LRP1B: variants seen among roughly 807,000 people sequenced by gnomAD.
The protein encoded by LRP1B is LDL receptor related protein 1B, also known as low-density lipoprotein receptor-related protein 1B.
LRP1B carries 217 observed loss-of-function variants against 556.6 expected under a neutral mutation model. The observed-to-expected ratio is 0.39, with a 90% CI of 0.35 to 0.44. The LOEUF is 0.44. Among genes scored for constraint, LRP1B ranks in the 20% least tolerant of loss-of-function variants. The probability of loss-of-function intolerance (pLI) is 1.00; values close to 1 mark genes in which losing one functional copy is unlikely to be tolerated. For synonymous variants in LRP1B, 2,047 were observed against 1,865.8 expected (o/e 1.10, Z -2.50); for missense variants, 5,053 against 5,620.8 (o/e 0.90, Z 3.23).
At chr2:140,605,721 GT>G (rs910031282) in intron 41 of LRP1B, among the ~76,000 whole-genome samples, 11 of 143,738 alleles carry the variant, frequency 7.7e-5, no homozygotes, top group Admixed American at 6.3e-4. Flanking sequence ...ATTCGCCATA[GT>G]TTTTCTAGTA....
At chr2:141,915,059 A>G (rs373726345) in intron 1 of LRP1B, among the ~76,000 whole-genome samples, 1 of 152,208 alleles carries the variant, frequency 6.6e-6, no homozygotes, top group East Asian at 1.9e-4. Flanking sequence ...CCAAGCAAAA[A>G]GAACAAAATC....
At chr2:141,651,849 A>T (rs182002499) in intron 2 of LRP1B, among the ~76,000 whole-genome samples, 115 of 152,292 alleles carry the variant, frequency 7.6e-4, no homozygotes, top group African/African-American at 2.6e-3. Flanking sequence ...CGTAATGGAC[A>T]TCTCCTTGGA....
At chr2:141,434,462 T>C (rs895171291) in intron 3 of LRP1B, among the ~76,000 whole-genome samples, 1 of 118,582 alleles carries the variant, frequency 8.4e-6, no homozygotes, top group African/African-American at 2.7e-5. Context: ...CTCTTTCTTA[T>C]GTTTTTTTTA....
chr2:142,064,696 A>G (rs13382560), intron 1 of LRP1B, among the ~76,000 whole-genome samples: 4,714 of 151,648 alleles, frequency 0.031, 115 homozygotes, highest in African/African-American at 0.067. Context: ...AACATCTGCA[A>G]AAAAGCATAC....
At chr2:141,191,332 C>T (rs907992530) in intron 6 of LRP1B, among the ~76,000 whole-genome samples, 1 of 151,820 alleles carries the variant, frequency 6.6e-6, no homozygotes, top group African/African-American at 2.4e-5. Flanking sequence ...ATATTTTTTC[C>T]TCCCCTAAAA....
intron 1 of LRP1B, among the ~76,000 whole-genome samples, chr2:141,897,017 T>C (rs1699474868): frequency 6.6e-6 from 1 of 152,138 alleles, no homozygotes. Flanking sequence ...AGCTATATCA[T>C]TGCCTGATTT....
At chr2:141,827,336 G>C (rs1696969846) in intron 1 of LRP1B, among the ~76,000 whole-genome samples, 1 of 152,186 alleles carries the variant, frequency 6.6e-6, no homozygotes. Flanking sequence ...CAAAATGTTT[G>C]AATGTGAATT....
chr2:141,167,012 A>T (rs1222022184), intron 7 of LRP1B, among the ~76,000 whole-genome samples: 1 of 151,920 alleles, frequency 6.6e-6, no homozygotes, highest in African/African-American at 2.4e-5. Flanking sequence ...TACACACTGA[A>T]ATCTAGTTGA....
intron 27 of LRP1B, among the ~76,000 whole-genome samples, chr2:140,855,038 A>G (rs1410400552): frequency 6.6e-6 from 1 of 152,230 alleles, no homozygotes; most frequent in Non-Finnish European, 1.5e-5. Context: ...CTGATGAAAT[A>G]TAGAACCTTA....
chr2:141,777,502 G>A (rs1288224512), intron 2 of LRP1B, among the ~76,000 whole-genome samples: 8 of 151,978 alleles, frequency 5.3e-5, no homozygotes, highest in East Asian at 3.9e-4. Flanking sequence ...TGCAGCCTCC[G>A]CCTCCCGGGT....
At chr2:140,495,139 T>C (rs1330257572) in intron 56 of LRP1B, among the ~76,000 whole-genome samples, 1 of 152,166 alleles carries the variant, frequency 6.6e-6, no homozygotes, top group Admixed American at 6.5e-5. Flanking sequence ...TTATTATTAC[T>C]ATTGTTGCTT....
At chr2:141,084,919 G>A (rs1464483890) in intron 7 of LRP1B, among the ~76,000 whole-genome samples, 1 of 152,048 alleles carries the variant, frequency 6.6e-6, no homozygotes, top group Non-Finnish European at 1.5e-5. Flanking sequence ...AAAGTGCTGG[G>A]ATTACAGGCG....
At chr2:140,254,199 TAAAG>T (rs761174708) in intron 86 of LRP1B, among the ~76,000 whole-genome samples, 10 of 152,262 alleles carry the variant, frequency 6.6e-5, no homozygotes, top group African/African-American at 1.7e-4. Flanking sequence ...CACTTTAAAA[TAAAG>T]CAGTTTAATA....
chr2:141,990,269 G>A (rs1188023492), intron 1 of LRP1B, among the ~76,000 whole-genome samples: 2 of 151,930 alleles, frequency 1.3e-5, no homozygotes, highest in African/African-American at 4.8e-5. Flanking sequence ...TTGTAAAGAA[G>A]TACTTCAAGA....
chr2:141,724,876 T>C (rs6429919), intron 2 of LRP1B, among the ~76,000 whole-genome samples: 88,575 of 151,696 alleles, frequency 0.58, 26,324 homozygotes, highest in East Asian at 0.92. Flanking sequence ...TATTTTCAAT[T>C]AAAATTACAT....
intron 66 of LRP1B, among the ~76,000 whole-genome samples, chr2:140,420,702 G>T (rs1558870091): frequency 6.6e-6 from 1 of 152,124 alleles, no homozygotes; most frequent in Admixed American, 6.5e-5. Flanking sequence ...GATAGATCCA[G>T]CAACAGGGAG....
intron 59 of LRP1B, among the ~76,000 whole-genome samples, chr2:140,479,069 T>C (rs1688105431): frequency 6.6e-6 from 1 of 152,032 alleles, no homozygotes; most frequent in African/African-American, 2.4e-5. Flanking sequence ...GATAATACTC[T>C]ATTATACTGA....
At chr2:142,089,295 G>T (rs1231245986) in intron 1 of LRP1B, among the ~76,000 whole-genome samples, 1 of 152,010 alleles carries the variant, frequency 6.6e-6, no homozygotes, top group African/African-American at 2.4e-5. Context: ...TAAAACACGG[G>T]CTACCCTCAA....
intron 3 of LRP1B, among the ~76,000 whole-genome samples, chr2:141,275,777 C>T (rs1685263221): frequency 6.6e-6 from 1 of 152,000 alleles, no homozygotes; most frequent in Non-Finnish European, 1.5e-5. Context: ...GACTAAAACA[C>T]ATTCAAAGAA....
Sources: gnomAD v4.1 joint callset for allele counts (sites outside exome capture counted in the v4.1 genomes callset) on GRCh38, gnomAD v4.1.1 for gene constraint, MANE v1.5 for transcripts, NCBI Gene and HGNC (gene_info 2026-07-23, HGNC 2026-07-21) for gene names.